Variants in KCNMA1 observed in about 807,000 individuals in gnomAD.
KCNMA1 encodes potassium calcium-activated channel subfamily M alpha 1.
Under a neutral mutation model 140.0 loss-of-function variants are expected in KCNMA1, and 29 were observed. The ratio of observed to expected loss-of-function variants is 0.21; its 90% CI spans 0.15 to 0.28. The LOEUF (loss-of-function observed/expected upper bound fraction) is 0.28. Ranked by LOEUF, KCNMA1 falls within the 10% of genes least tolerant of loss-of-function variation. KCNMA1 has a pLI of 1.00. For missense variants in KCNMA1, 880 were observed against 1,602.2 expected (o/e 0.55, Z 7.70); for synonymous variants, 612 against 611.9 (o/e 1.00, Z 0.00).
At chr10:77,338,352 AT>A (rs5786278) in intron 2 of KCNMA1, among the ~76,000 whole-genome samples, 127,179 of 152,116 alleles carry the variant, frequency 0.84, 53,327 homozygotes, top group Middle Eastern at 0.9. Context: ...CCCTGGCTCA[AT>A]TACTACATCA....
chr10:77,340,639 C>T (rs547480231), intron 2 of KCNMA1, among the ~76,000 whole-genome samples: 62 of 151,086 alleles, frequency 4.1e-4, no homozygotes, highest in Middle Eastern at 3.4e-3. Context: ...CATGTTCTCA[C>T]TCATAGGTGG....
At chr10:77,316,053 G>A (rs1308651256) in intron 2 of KCNMA1, among the ~76,000 whole-genome samples, 1 of 152,170 alleles carries the variant, frequency 6.6e-6, no homozygotes, top group Non-Finnish European at 1.5e-5. Context: ...TAGAAACCTG[G>A]AGGCTCCCTG....
At chr10:77,564,559 G>C (rs1476861580) in intron 1 of KCNMA1, among the ~76,000 whole-genome samples, 1 of 152,130 alleles carries the variant, frequency 6.6e-6, no homozygotes, top group African/African-American at 2.4e-5. Context: ...CTCCAGCCTG[G>C]GCAACAGAGC....
chr10:77,375,510 A>G (rs1178337565), intron 2 of KCNMA1, among the ~76,000 whole-genome samples: 1 of 152,188 alleles, frequency 6.6e-6, no homozygotes, highest in African/African-American at 2.4e-5. Flanking sequence ...AGCCACCACA[A>G]GAGTCCTCCA....
chr10:77,381,284 T>C (rs749537613), intron 2 of KCNMA1, among the ~76,000 whole-genome samples: 2 of 151,980 alleles, frequency 1.3e-5, no homozygotes, highest in Admixed American at 1.3e-4. Flanking sequence ...AAAGTATATA[T>C]AGTATATTAG....
chr10:76,928,503 A>G (rs1409980600), intron 23 of KCNMA1, among the ~76,000 whole-genome samples: 1 of 152,200 alleles, frequency 6.6e-6, no homozygotes, highest in African/African-American at 2.4e-5. Context: ...CTTTTGGAAC[A>G]TAAAACACAT....
chr10:77,270,999 A>G (rs893511970), intron 2 of KCNMA1, among the ~76,000 whole-genome samples: 1 of 152,218 alleles, frequency 6.6e-6, no homozygotes, highest in African/African-American at 2.4e-5. Context: ...ATTAATATTA[A>G]AAATTCCTAA....
intron 1 of KCNMA1, chr10:77,634,747 C>A: frequency 5.6e-6 from 3 of 532,034 alleles, no homozygotes; most frequent in Non-Finnish European, 7.2e-6. Context: ...ACAAAACTAC[C>A]AAATACTTGG....
chr10:77,455,531 T>A (rs759406393), intron 1 of KCNMA1, among the ~76,000 whole-genome samples: 1 of 152,220 alleles, frequency 6.6e-6, no homozygotes, highest in African/African-American at 2.4e-5. Flanking sequence ...TAGGCTCCTA[T>A]GAAATGTAGG....
chr10:76,914,641 T>G (rs2051931629), intron 24 of KCNMA1: 1 of 378,164 alleles, frequency 2.6e-6, no homozygotes, highest in African/African-American at 2.1e-5. Flanking sequence ...CCTTTCCTCC[T>G]TTCCTCTCCA....
intron 23 of KCNMA1, among the ~76,000 whole-genome samples, chr10:76,934,955 C>A (rs2060176174): frequency 6.6e-6 from 1 of 152,160 alleles, no homozygotes; most frequent in African/African-American, 2.4e-5. Context: ...AAAGTAACAG[C>A]TAGGTCTCAA....
intron 1 of KCNMA1, among the ~76,000 whole-genome samples, chr10:77,565,368 T>C (rs12218026): frequency 0.71 from 108,054 of 152,044 alleles, 39,183 homozygotes; most frequent in South Asian, 0.86. Context: ...GAGCACATTT[T>C]CCCAAATTGC....
chr10:77,396,103 C>G (rs2096043570), intron 2 of KCNMA1, among the ~76,000 whole-genome samples: 1 of 152,190 alleles, frequency 6.6e-6, no homozygotes, highest in South Asian at 2.1e-4. Flanking sequence ...ACAGAAGCCT[C>G]CCTTAGGAGT....
chr10:77,025,281 T>TATATATATAC (rs1394239548), intron 16 of KCNMA1, among the ~76,000 whole-genome samples: 19 of 122,278 alleles, frequency 1.6e-4, no homozygotes, highest in Non-Finnish European at 1.7e-4. Flanking sequence ...TATATATATA[T>TATATATATAC]ACACACACAC....
At chr10:77,518,682 G>A (rs1223002526) in intron 1 of KCNMA1, among the ~76,000 whole-genome samples, 1 of 152,172 alleles carries the variant, frequency 6.6e-6, no homozygotes, top group Non-Finnish European at 1.5e-5. Flanking sequence ...CTAAGCATCC[G>A]TTTCTTCATG....
At chr10:76,964,080 C>T (rs952796706) in intron 20 of KCNMA1, among the ~76,000 whole-genome samples, 3 of 151,962 alleles carry the variant, frequency 2.0e-5, no homozygotes, top group Non-Finnish European at 4.4e-5. Flanking sequence ...CCTGCCTTAA[C>T]ACATCCTTCA....
At chr10:77,204,019 C>A (rs1356991716) in intron 3 of KCNMA1, among the ~76,000 whole-genome samples, 1 of 151,404 alleles carries the variant, frequency 6.6e-6, no homozygotes, top group Non-Finnish European at 1.5e-5. Flanking sequence ...TCACTTGAAT[C>A]CATGAGGTGG....
intron 14 of KCNMA1, among the ~76,000 whole-genome samples, chr10:77,049,560 T>C (rs1014082609): frequency 2.6e-5 from 4 of 152,204 alleles, no homozygotes; most frequent in Non-Finnish European, 5.9e-5. Flanking sequence ...TACTCAGCTC[T>C]GTATCTTCTA....
intron 19 of KCNMA1, among the ~76,000 whole-genome samples, chr10:76,999,484 G>T (rs563059286): frequency 1.5e-4 from 23 of 152,288 alleles, no homozygotes; most frequent in African/African-American, 5.3e-4. Context: ...CAGTCAAAGA[G>T]ATGTGACCAA....
Sources: allele counts gnomAD v4.1 joint callset (sites outside exome capture counted in the v4.1 genomes callset), GRCh38; gene constraint gnomAD v4.1.1; transcripts MANE v1.5; gene names NCBI Gene and HGNC (gene_info 2026-07-23, HGNC 2026-07-21).